EHHADH: variants seen among roughly 807,000 people sequenced by gnomAD.
EHHADH encodes the protein peroxisomal bifunctional enzyme.
In EHHADH, 48 loss-of-function variants were observed where a neutral mutation model predicts 64.4. The observed-to-expected ratio is 0.75, with a 90% confidence interval of 0.59 to 0.95. EHHADH has a LOEUF of 0.95. Among genes scored for constraint, EHHADH ranks in the 40% least tolerant of loss-of-function variants. EHHADH has a pLI of 0.00. For missense variants in EHHADH, 854 were observed against 876.6 expected (o/e 0.97, Z 0.33); for synonymous variants, 308 against 326.7 (o/e 0.94, Z 0.62).
intron 5 of EHHADH, among the ~76,000 whole-genome samples, chr3:185,209,165 G>T (rs1718474650): frequency 6.6e-6 from 1 of 152,110 alleles, no homozygotes. Flanking sequence ...ATCTAGAAAT[G>T]AATTTATCAA....
intron 5 of EHHADH, among the ~76,000 whole-genome samples, chr3:185,210,706 G>A (rs574425161): frequency 6.6e-6 from 1 of 151,896 alleles, no homozygotes; most frequent in Non-Finnish European, 1.5e-5. Context: ...TTCAGAAGCT[G>A]ATTTTAAGGT....
At chr3:185,207,406 G>A (rs1221572579) in intron 5 of EHHADH, among the ~76,000 whole-genome samples, 1 of 152,176 alleles carries the variant, frequency 6.6e-6, no homozygotes, top group East Asian at 1.9e-4. Context: ...TGGTGAGGGG[G>A]ATTCAACAAG....
chr3:185,230,456 G>C (rs1484011754), intron 3 of EHHADH, among the ~76,000 whole-genome samples: 1 of 152,170 alleles, frequency 6.6e-6, no homozygotes, highest in African/African-American at 2.4e-5. Context: ...ATGAAAGGTA[G>C]TACATCCATA....
At chr3:185,233,004 A>C (rs1323460695) in intron 3 of EHHADH, among the ~76,000 whole-genome samples, 1 of 152,246 alleles carries the variant, frequency 6.6e-6, no homozygotes, top group Non-Finnish European at 1.5e-5. Flanking sequence ...AAGGCACTAG[A>C]CAGTAACTTG....
At chr3:185,229,006 T>C (rs1719080609) in intron 4 of EHHADH, among the ~76,000 whole-genome samples, 2 of 152,090 alleles carry the variant, frequency 1.3e-5, no homozygotes, top group African/African-American at 4.8e-5. Flanking sequence ...GGTTTCACCA[T>C]GCTGGTTTCC....
intron 5 of EHHADH, among the ~76,000 whole-genome samples, chr3:185,214,179 T>C (rs1718624140): frequency 6.6e-6 from 1 of 152,166 alleles, no homozygotes. Context: ...GTAAAAGTCC[T>C]AGGGTTTCCA....
chr3:185,223,429 C>T lies in EHHADH; in HGVS notation c.464-5189G>A, dbSNP rs184318132. Reference sequence around the variant, plus strand: ...TTTCTTTAATGTTTCAGCAGACTGACGTTTATGTTTCTTTTTTTTTAAGTC... The same window carrying T: ...TTTCTTTAATGTTTCAGCAGACTGATGTTTATGTTTCTTTTTTTTTAAGTC... On this transcript the variant is annotated intron_variant, in intron 4 of 6. Coordinates refer to ENST00000231887, the MANE Select transcript of EHHADH (RefSeq NM_001966.4). Among the ~76,000 whole-genome samples the T allele has an allele frequency of 2.8e-4, 42 of 151,854 alleles. 2 individuals carry two copies. In the East Asian group the frequency reaches 6.8e-3, roughly 24 times the overall value.
At chr3:185,210,105 G>C (rs952725750) in intron 5 of EHHADH, among the ~76,000 whole-genome samples, 2 of 152,174 alleles carry the variant, frequency 1.3e-5, no homozygotes, top group Non-Finnish European at 2.9e-5. Flanking sequence ...GAGGAGGAAG[G>C]CAGGCTGGGC....
intron 2 of EHHADH, chr3:185,246,242 A>G (rs758364879): frequency 4.5e-6 from 4 of 893,788 alleles, no homozygotes; most frequent in South Asian, 1.5e-5. Flanking sequence ...CATCTAGATC[A>G]TCAGAAGCAT....
Position 185,248,850 on chromosome 3 carries a change from T to C in EHHADH, c.75-333A>G, listed in dbSNP as rs1468949. ...AATATTATTACATGTCTTCTATATATTGTACAAGGAGTTATCCAATACTTG... is the reference window on the plus strand; with the variant it reads ...AATATTATTACATGTCTTCTATATACTGTACAAGGAGTTATCCAATACTTG... On this transcript the variant is annotated intron_variant, in intron 1 of 6. Coordinates refer to ENST00000231887, the MANE Select transcript of EHHADH (RefSeq NM_001966.4). Among the ~76,000 whole-genome samples the C allele has an allele frequency of 0.93, 140,919 of 152,258 alleles. 65,518 individuals carry two copies. Among genetic ancestry groups the C allele is most frequent in the African/African-American group, 0.98 (40,850 of 41,562 alleles).
intron 1 of EHHADH, among the ~76,000 whole-genome samples, chr3:185,248,776 C>T (rs1719665302): frequency 6.6e-6 from 1 of 152,172 alleles, no homozygotes; most frequent in African/African-American, 2.4e-5. Context: ...AATTTTCCTG[C>T]ACTGTGCTTT....
intron 5 of EHHADH, among the ~76,000 whole-genome samples, chr3:185,210,196 A>G (rs1718502915): frequency 6.6e-6 from 1 of 152,090 alleles, no homozygotes; most frequent in Non-Finnish European, 1.5e-5. Flanking sequence ...TTGTGATACT[A>G]CCTCTGTTCC....
Position 185,203,524 on chromosome 3 carries a change from C to T in EHHADH, c.910+892G>A, listed in dbSNP as rs188514963. On this transcript the variant is annotated intron_variant, in intron 6 of 6. Coordinates refer to ENST00000231887, the MANE Select transcript of EHHADH (RefSeq NM_001966.4). ...AATCCACCAAAGACCGTTCTTGAGC[C>T]GAGACTAAGAGCAAGTGAAGCTTAG... 3.3e-4 allele frequency among the ~76,000 whole-genome samples: 50 copies of T among 152,126 alleles called. 1 individual carries two copies. The highest frequency in any genetic ancestry group is 9.2e-4 in the African/African-American group (38 of 41,496).
chr3:185,200,341 TA>T (rs1445218476), intron 6 of EHHADH, among the ~76,000 whole-genome samples: 1 of 152,208 alleles, frequency 6.6e-6, no homozygotes, highest in Non-Finnish European at 1.5e-5. Flanking sequence ...CCAAGTGTAT[TA>T]AATTACTCAA....
chr3:185,192,122 T>C lies in EHHADH; in HGVS notation c.*104A>G. On this transcript the variant is annotated 3_prime_UTR_variant, in exon 7 of 7. Transcript: ENST00000231887. Reference sequence around the variant, plus strand: ...GATTCTAATGATTATTTATTTTGCTTTGTATTTCAGAACAATCTTACTTTG... The same window carrying C: ...GATTCTAATGATTATTTATTTTGCTCTGTATTTCAGAACAATCTTACTTTG... 7.6e-7 allele frequency: 1 copy of C among 1,319,770 alleles called. No homozygotes were observed. Among genetic ancestry groups the C allele is most frequent in the Non-Finnish European group, 1.0e-6 (1 of 956,702 alleles). 81.8% of individuals were successfully genotyped at this position (1,319,770 alleles called of 1,614,324 possible). A position where few individuals can be genotyped will look rare whatever the true frequency, so the allele number is the denominator to read the frequency against.
At chr3:185,245,596 T>G in intron 2 of EHHADH, 2 of 747,452 alleles carry the variant, frequency 2.7e-6, no homozygotes, top group South Asian at 2.9e-5. Context: ...TCTGCAGGAT[T>G]GTGTCCAGTG....
intron 5 of EHHADH, 118 bp from the exon 6 acceptor site, chr3:185,204,875 T>G: frequency 1.3e-6 from 1 of 772,316 alleles, no homozygotes; most frequent in Admixed American, 2.9e-5. Context: ...AGCTATTCAT[T>G]AAGACATTTA....
intron 3 of EHHADH, among the ~76,000 whole-genome samples, chr3:185,229,902 T>C (rs536643674): frequency 1.3e-5 from 2 of 152,282 alleles, no homozygotes; most frequent in South Asian, 2.1e-4. Context: ...TGGGAGAGAA[T>C]ATACATATCT....
rs1394924206 is a variant in EHHADH, at chr3:185,253,933, C to T, written c.74+16G>A. ...GCCCGCACGGTCCCCGGGCTGGAGG[C>T]GACCGAGCCCGTTACCTGATCGCGT... On this transcript the variant is annotated intron_variant, in intron 1 of 6. Coordinates refer to ENST00000231887, the MANE Select transcript of EHHADH (RefSeq NM_001966.4). 2.5e-6 allele frequency: 4 copies of T among 1,613,844 alleles called. No homozygotes were observed. Among genetic ancestry groups the T allele is most frequent in the Non-Finnish European group, 3.4e-6 (4 of 1,179,904 alleles).
Sources: gnomAD v4.1 joint callset for allele counts (sites outside exome capture counted in the v4.1 genomes callset) on GRCh38, gnomAD v4.1.1 for gene constraint, MANE v1.5 for transcripts, NCBI Gene and HGNC (gene_info 2026-07-23, HGNC 2026-07-21) for gene names.